Variants in ACO2 observed in about 807,000 individuals in gnomAD.
ACO2 encodes aconitase 2, also known as aconitate hydratase, mitochondrial.
In ACO2, 31 loss-of-function variants were observed where a neutral mutation model predicts 84.5. That is an observed-to-expected ratio of 0.37 (90% CI 0.28 to 0.50). The LOEUF is 0.50. Ranked by LOEUF, ACO2 falls within the 20% of genes least tolerant of loss-of-function variation. The probability of loss-of-function intolerance (pLI) is 0.97; values close to 1 mark genes in which losing one functional copy is unlikely to be tolerated. For synonymous variants in ACO2, 414 were observed against 412.7 expected (o/e 1.00, Z -0.04); for missense variants, 685 against 1,029.3 (o/e 0.67, Z 4.58).
At chr22:41,504,300 C>T (rs1324123677) in intron 2 of ACO2, among the ~76,000 whole-genome samples, 1 of 152,208 alleles carries the variant, frequency 6.6e-6, no homozygotes, top group African/African-American at 2.4e-5. Context: ...GGCGACTTCT[C>T]TTCCACCTTG....
chr22:41,480,633 C>T (rs573140169), intron 1 of ACO2, among the ~76,000 whole-genome samples: 2 of 152,260 alleles, frequency 1.3e-5, no homozygotes, highest in Admixed American at 6.5e-5. Flanking sequence ...GAATGCCTGC[C>T]AGAAGCCCAG....
At chr22:41,527,599 G>A (rs976008265) in intron 16 of ACO2, 179 bp downstream of exon 16, 8 of 923,204 alleles carry the variant, frequency 8.7e-6, no homozygotes, top group Non-Finnish European at 1.3e-5. Flanking sequence ...CAGCTTCCCG[G>A]CTTCCCGCAG....
At chr22:41,526,159 A>G in intron 14 of ACO2, 103 bp from the exon 15 acceptor site, 1 of 1,027,570 alleles carries the variant, frequency 9.7e-7, no homozygotes, top group African/African-American at 1.6e-5. Flanking sequence ...CCCCTCTGTC[A>G]CCCCTCCTGG....
At chr22:41,522,416 T>G (rs1429802238) in intron 9 of ACO2, among the ~76,000 whole-genome samples, 2 of 152,212 alleles carry the variant, frequency 1.3e-5, no homozygotes, top group Non-Finnish European at 2.9e-5. Flanking sequence ...AAAGAACTCT[T>G]ATTGCCCTGA....
intron 9 of ACO2, among the ~76,000 whole-genome samples, chr22:41,521,103 A>C (rs1244613991): frequency 6.6e-6 from 1 of 151,864 alleles, no homozygotes; most frequent in African/African-American, 2.4e-5. Flanking sequence ...AAAGAAAAAT[A>C]TGTTTATTGT....
intron 1 of ACO2, among the ~76,000 whole-genome samples, chr22:41,488,729 T>A (rs1454240148): frequency 1.3e-5 from 2 of 152,188 alleles, no homozygotes; most frequent in Non-Finnish European, 2.9e-5. Context: ...TCTTCCTTGA[T>A]ACAGATAAAT....
intron 14 of ACO2, among the ~76,000 whole-genome samples, chr22:41,525,608 A>C (rs2066577630): frequency 6.6e-6 from 1 of 152,178 alleles, no homozygotes. Flanking sequence ...AGCTGATCAG[A>C]GCCACCTCCA....
At chr22:41,503,365 C>T (rs146585608) in intron 2 of ACO2, among the ~76,000 whole-genome samples, 6,169 of 151,658 alleles carry the variant, frequency 0.041, 168 homozygotes, top group Non-Finnish European at 0.062. Flanking sequence ...CTCGCTCTGT[C>T]GCCCAGGCTG....
chr22:41,508,546 G>A (rs1012134343), intron 3 of ACO2, among the ~76,000 whole-genome samples: 12 of 152,232 alleles, frequency 7.9e-5, no homozygotes, highest in Admixed American at 7.2e-4. Context: ...ATGAGGGCAC[G>A]ATTAGGGCTC....
At chr22:41,512,086 A>T in intron 4 of ACO2, 118 bp downstream of exon 4, 1 of 637,832 alleles carries the variant, frequency 1.6e-6, no homozygotes, top group South Asian at 2.1e-5. Context: ...TGACATATCC[A>T]TCAGCTCTTA....
intron 1 of ACO2, among the ~76,000 whole-genome samples, chr22:41,495,150 T>G (rs1430204384): frequency 6.6e-6 from 1 of 151,978 alleles, no homozygotes; most frequent in East Asian, 1.9e-4. Context: ...CCTCAGCCTC[T>G]TGAGCAGCTG....
Position 41,527,316 on chromosome 22 carries a change from G to C in ACO2, c.1982G>C (p.Gly661Ala). The C allele has an allele frequency of 6.2e-7, 1 of 1,614,198 alleles. No individual in the cohort carries two copies. The highest frequency in any genetic ancestry group is 8.5e-7 in the Non-Finnish European group (1 of 1,180,032). ...CATGGCATCAGGTGGGTGGTGATCGGAGACGAGAACTACGGCGAGGGCTCG... is the reference window on the plus strand; with the variant it reads ...CATGGCATCAGGTGGGTGGTGATCGCAGACGAGAACTACGGCGAGGGCTCG... ...KKHGIRWVVI[G>A]DENYGEGSSR... Residue 661 changes from glycine (G) to alanine (A), a missense_variant, in exon 16 of 18, where the codon GGA becomes GCA. Transcript: ENST00000216254.
At chr22:41,521,649 G>C (rs1367647917) in intron 9 of ACO2, 1 of 152,092 alleles carries the variant, frequency 6.6e-6, no homozygotes, top group Non-Finnish European at 1.5e-5. Flanking sequence ...TAATGTGTTC[G>C]CCCTTATTCA....
intron 1 of ACO2, among the ~76,000 whole-genome samples, chr22:41,490,600 G>A (rs1445629261): frequency 5.9e-5 from 9 of 152,186 alleles, no homozygotes; most frequent in Admixed American, 5.9e-4. Context: ...TAATTAGATA[G>A]TTTCCTGGAA....
chr22:41,485,803 T>C (rs1164876769), intron 1 of ACO2, among the ~76,000 whole-genome samples: 1 of 151,948 alleles, frequency 6.6e-6, no homozygotes, highest in African/African-American at 2.4e-5. Context: ...GTCAGGCTGG[T>C]CTCAAACTCC....
At chr22:41,496,445 G>C (rs1300439444) in intron 1 of ACO2, among the ~76,000 whole-genome samples, 1 of 152,132 alleles carries the variant, frequency 6.6e-6, no homozygotes, top group Admixed American at 6.5e-5. Context: ...AACGTACTCA[G>C]TACTTTATAT....
intron 2 of ACO2, 103 bp downstream of exon 2, chr22:41,499,965 T>C: frequency 6.9e-7 from 1 of 1,456,262 alleles, no homozygotes; most frequent in Non-Finnish European, 9.4e-7. Flanking sequence ...TTGGTGATAG[T>C]GGCAGGGTCA....
chr22:41,488,057 G>C (rs956193177), intron 1 of ACO2, among the ~76,000 whole-genome samples: 1 of 152,054 alleles, frequency 6.6e-6, no homozygotes, highest in Non-Finnish European at 1.5e-5. Context: ...CTACTTTTGC[G>C]CTTGATTGCT....
chr22:41,478,367 C>G (rs2146081640), intron 1 of ACO2, among the ~76,000 whole-genome samples: 1 of 152,232 alleles, frequency 6.6e-6, no homozygotes, highest in South Asian at 2.1e-4. Flanking sequence ...TGGTCTCCAA[C>G]TCCTGACCTC....
Sources: allele counts gnomAD v4.1 joint callset (sites outside exome capture counted in the v4.1 genomes callset), GRCh38; gene constraint gnomAD v4.1.1; transcripts MANE v1.5; gene names NCBI Gene and HGNC (gene_info 2026-07-23, HGNC 2026-07-21).